Variants in ZZZ3 observed in about 807,000 individuals in gnomAD.
ZZZ3 encodes the protein ZZ-type zinc finger-containing protein 3.
In ZZZ3, 22 loss-of-function variants were observed where a neutral mutation model predicts 95.2. That is an observed-to-expected ratio of 0.23 (90% CI 0.17 to 0.33). The LOEUF is 0.33. Among genes scored for constraint, ZZZ3 ranks in the 10% least tolerant of loss-of-function variants. The pLI, the probability that ZZZ3 is intolerant of heterozygous loss-of-function variation, is 1.00. For missense variants in ZZZ3, 885 were observed against 1,066.5 expected (o/e 0.83, Z 2.37); for synonymous variants, 335 against 358.9 (o/e 0.93, Z 0.75).
chr1:77,595,674 C>A (rs1398683591), intron 5 of ZZZ3, among the ~76,000 whole-genome samples: 2 of 151,798 alleles, frequency 1.3e-5, no homozygotes, highest in Admixed American at 1.3e-4. Flanking sequence ...AAGTTTTAAA[C>A]AATTAAATGA....
intron 5 of ZZZ3, among the ~76,000 whole-genome samples, chr1:77,596,971 A>C (rs1416868326): frequency 6.6e-6 from 1 of 152,100 alleles, no homozygotes; most frequent in East Asian, 1.9e-4. Flanking sequence ...GAGACAGCTA[A>C]ATAAAAGCAA....
intron 5 of ZZZ3, among the ~76,000 whole-genome samples, chr1:77,612,289 A>G (rs374779230): frequency 6.6e-6 from 1 of 152,034 alleles, no homozygotes; most frequent in East Asian, 1.9e-4. Flanking sequence ...GACAGATGAT[A>G]ATAAATGCTG....
chr1:77,673,092 T>A (rs1671933232), intron 1 of ZZZ3, among the ~76,000 whole-genome samples: 1 of 152,230 alleles, frequency 6.6e-6, no homozygotes, highest in South Asian at 2.1e-4. Context: ...CCATTTATAA[T>A]ATTCTGGCCC....
intron 1 of ZZZ3, among the ~76,000 whole-genome samples, chr1:77,642,874 C>A (rs1429846625): frequency 6.6e-6 from 1 of 152,070 alleles, no homozygotes; most frequent in Non-Finnish European, 1.5e-5. Flanking sequence ...AACAATAGAG[C>A]GATTAAGAAA....
intron 5 of ZZZ3, among the ~76,000 whole-genome samples, chr1:77,624,159 T>C (rs1487052108): frequency 1.3e-5 from 2 of 152,186 alleles, no homozygotes; most frequent in Admixed American, 6.5e-5. Context: ...TAAATAGGGA[T>C]GCTAGAAAAA....
intron 11 of ZZZ3, among the ~76,000 whole-genome samples, chr1:77,577,996 A>G (rs1180763001): frequency 1.3e-5 from 2 of 152,146 alleles, no homozygotes; most frequent in South Asian, 2.1e-4. Flanking sequence ...GCAACAGAGA[A>G]AAGTGGAAAA....
At chr1:77,642,939 A>G (rs1172203284) in intron 1 of ZZZ3, among the ~76,000 whole-genome samples, 1 of 152,146 alleles carries the variant, frequency 6.6e-6, no homozygotes, top group East Asian at 1.9e-4. Flanking sequence ...TTAAAACTAT[A>G]TAAGTAACAC....
intron 5 of ZZZ3, among the ~76,000 whole-genome samples, chr1:77,608,515 A>G (rs1396345556): frequency 6.6e-6 from 1 of 152,260 alleles, no homozygotes; most frequent in Non-Finnish European, 1.5e-5. Context: ...AAGTACTTCA[A>G]TCAGAAAGAA....
chr1:77,665,539 C>A (rs1353112137), intron 1 of ZZZ3, among the ~76,000 whole-genome samples: 1 of 152,104 alleles, frequency 6.6e-6, no homozygotes, highest in Non-Finnish European at 1.5e-5. Flanking sequence ...TTCCTATAGA[C>A]AATGATAGTT....
At chr1:77,657,537 T>A (rs1670382066) in intron 1 of ZZZ3, among the ~76,000 whole-genome samples, 1 of 152,174 alleles carries the variant, frequency 6.6e-6, no homozygotes, top group African/African-American at 2.4e-5. Flanking sequence ...AATGTGTACA[T>A]CAAGCAACTC....
At chr1:77,652,011 C>T (rs1034446878) in intron 1 of ZZZ3, among the ~76,000 whole-genome samples, 3 of 143,782 alleles carry the variant, frequency 2.1e-5, no homozygotes, top group Admixed American at 1.4e-4. Context: ...AGCAAAACTC[C>T]ATCTCCAAAA....
chr1:77,639,949 T>C (rs72683666), intron 3 of ZZZ3, among the ~76,000 whole-genome samples: 1,877 of 151,964 alleles, frequency 0.012, 42 homozygotes, highest in South Asian at 0.1. Context: ...ATAGCATTTC[T>C]CATAACAGAA....
Position 77,565,704 on chromosome 1 carries a change from T to TA in ZZZ3, c.2647dup (p.Tyr883LeufsTer13), listed in dbSNP as rs1660755291. On this transcript the variant is annotated frameshift_variant, in exon 15 of 15. Transcript: ENST00000370801. LOFTEE classifies it high-confidence loss of function. ...GTAACTGGTGCCCTGAGACACACAG[T>TA]AGTCTCTGTCTAAGAATGTCTCTGA... The TA allele has an allele frequency of 6.2e-7, 1 of 1,613,374 alleles. No individual in the cohort carries two copies.
At chr1:77,602,794 C>T (rs1043888764) in intron 5 of ZZZ3, among the ~76,000 whole-genome samples, 15 of 151,630 alleles carry the variant, frequency 9.9e-5, no homozygotes, top group Non-Finnish European at 1.9e-4. Context: ...TTAGTAGAGA[C>T]GGGGTTTCAC....
chr1:77,673,903 A>C (rs1223378285), intron 1 of ZZZ3, among the ~76,000 whole-genome samples: 1 of 152,128 alleles, frequency 6.6e-6, no homozygotes, highest in Admixed American at 6.5e-5. Flanking sequence ...TCACTGCTTG[A>C]GGAATTCAAA....
rs1227941818 is a variant in ZZZ3, at chr1:77,579,596, A to G, written c.2013T>C (p.Pro671=). 1.3e-6 allele frequency: 2 copies of G among 1,588,582 alleles called. No individual in the cohort carries two copies. Among genetic ancestry groups the G allele is most frequent in the Admixed American group, 3.6e-5 (2 of 54,814 alleles). The change falls in exon 10 of 15, where the codon CCT becomes CCC. Residue 671 remains proline, a synonymous_variant. Transcript: ENST00000370801. ...KKLEQLLIKY[P]PEEVESRRWQ... is the part of the protein sequence containing the mutation. Reference sequence around the variant, plus strand: ...AGCGTCGAGATTCTACTTCTTCAGGAGGGTATTTGATGAGTAGCTGTTCCA... The same window carrying G: ...AGCGTCGAGATTCTACTTCTTCAGGGGGGTATTTGATGAGTAGCTGTTCCA...
chr1:77,593,616 A>G (rs1411342927), intron 5 of ZZZ3, among the ~76,000 whole-genome samples: 1 of 152,210 alleles, frequency 6.6e-6, no homozygotes, highest in Non-Finnish European at 1.5e-5. Flanking sequence ...GGAGACTTGT[A>G]AAGTGCTATC....
chr1:77,572,441 G>A (rs1661490418), intron 12 of ZZZ3, among the ~76,000 whole-genome samples: 1 of 152,050 alleles, frequency 6.6e-6, no homozygotes, highest in Admixed American at 6.5e-5. Flanking sequence ...CTAGGTTCAA[G>A]TGATCCTCCT....
At chr1:77,627,302 T>C (rs1667421185) in intron 5 of ZZZ3, among the ~76,000 whole-genome samples, 1 of 152,196 alleles carries the variant, frequency 6.6e-6, no homozygotes, top group Admixed American at 6.5e-5. Context: ...GATAGTCAAA[T>C]GAGAAACTAA....
Sources: allele counts gnomAD v4.1 joint callset (sites outside exome capture counted in the v4.1 genomes callset), GRCh38; gene constraint gnomAD v4.1.1; transcripts MANE v1.5; gene names NCBI Gene and HGNC (gene_info 2026-07-23, HGNC 2026-07-21).